Variants in SPTBN1 observed in about 807,000 individuals in gnomAD.
SPTBN1 encodes spectrin beta, non-erythrocytic 1, also known as spectrin beta chain, non-erythrocytic 1.
A neutral mutation model predicts 266.4 loss-of-function variants in SPTBN1; 32 were observed. The observed-to-expected ratio is 0.12, with a 90% CI of 0.09 to 0.16. SPTBN1 has a LOEUF of 0.16. Ranked by LOEUF, SPTBN1 falls within the 10% of genes least tolerant of loss-of-function variation. SPTBN1 has a pLI of 1.00. For synonymous variants in SPTBN1, 1,336 were observed against 1,162.2 expected (o/e 1.15, Z -3.04); for missense variants, 2,296 against 3,067.1 (o/e 0.75, Z 5.94).
chr2:54,492,110 A>G (rs893413775), intron 1 of SPTBN1, among the ~76,000 whole-genome samples: 2 of 152,194 alleles, frequency 1.3e-5, no homozygotes, highest in African/African-American at 4.8e-5. Context: ...TATGAGAGTA[A>G]TACATTAAAG....
At chr2:54,490,392 A>T (rs561053746) in intron 1 of SPTBN1, among the ~76,000 whole-genome samples, 25 of 152,274 alleles carry the variant, frequency 1.6e-4, no homozygotes, top group African/African-American at 6.0e-4. Flanking sequence ...GATTTTATAA[A>T]CAGATTTCTA....
chr2:54,634,035 A>G (rs2971882), intron 17 of SPTBN1, among the ~76,000 whole-genome samples: 84,640 of 152,168 alleles, frequency 0.56, 23,746 homozygotes, highest in Admixed American at 0.62. Context: ...AGAAACAGCA[A>G]TTGGGCAAAG....
Position 54,617,603 on chromosome 2 carries a change from G to C in SPTBN1, c.567-5G>C. The C allele has an allele frequency of 6.2e-7, 1 of 1,613,976 alleles. No homozygotes were observed. Among genetic ancestry groups the C allele is most frequent in the South Asian group, 1.1e-5 (1 of 91,070 alleles). On this transcript the variant is annotated splice_region_variant and splice_polypyrimidine_tract_variant and intron_variant, in intron 5 of 35. Transcript: ENST00000356805. ...TGCTTTTCCCTTCTGCTTTGTCCTT[G>C]GCAGGTACCCCAATGTCAACATTCA...
intron 23 of SPTBN1, 109 bp from the exon 24 acceptor site, chr2:54,647,022 T>G: frequency 6.5e-7 from 1 of 1,539,286 alleles, no homozygotes; most frequent in East Asian, 2.3e-5. Context: ...CTGGAGTTTT[T>G]CTTTCTACTG....
intron 3 of SPTBN1, among the ~76,000 whole-genome samples, chr2:54,599,485 A>G (rs1676332136): frequency 6.6e-6 from 1 of 152,216 alleles, no homozygotes; most frequent in African/African-American, 2.4e-5. Context: ...ACCTTTGGTC[A>G]GAAAGAACTT....
chr2:54,626,881 C>T lies in SPTBN1; in HGVS notation c.1644+647C>T, dbSNP rs1425827060. Reference sequence around the variant, plus strand: ...CTTAGCATAGAGTTCCAACCTTTCCCCCTTCCCAGGAAGAGACCTGCTATC... The same window carrying T: ...CTTAGCATAGAGTTCCAACCTTTCCTCCTTCCCAGGAAGAGACCTGCTATC... On this transcript the variant is annotated intron_variant, in intron 12 of 35. Coordinates refer to ENST00000356805, the MANE Select transcript of SPTBN1 (RefSeq NM_003128.3). The surrounding 1 kb of genome is among the most constrained non-coding windows in gnomAD (Gnocchi z 4.7). 2.0e-5 allele frequency among the ~76,000 whole-genome samples: 3 copies of T among 152,178 alleles called. No homozygotes were observed. Among genetic ancestry groups the T allele is most frequent in the Admixed American group, 1.3e-4 (2 of 15,280 alleles).
In SPTBN1 at chr2:54,666,009, G is replaced by T; in HGVS notation, c.6754G>T (p.Glu2252Ter). 1 of 1,614,052 alleles carries T rather than the reference G, an allele frequency of 6.2e-7. No individual in the cohort carries two copies. Among genetic ancestry groups the T allele is most frequent in the Non-Finnish European group, 8.5e-7 (1 of 1,180,012 alleles). Residue 2252 changes from glutamate (E) to a stop codon, truncating the protein, a stop_gained, in exon 34 of 36, where the codon GAG (glutamate) becomes TAG (stop). Transcript: ENST00000356805. LOFTEE classifies it high-confidence loss of function. ...TAASGIPYHS[E>*]VPVSLKEAVC... The stretch of plus-strand genomic sequence containing the variant: ...TGCTTCTGGAATTCCCTACCACAGC[G>T]AGGTCCCTGTGAGTTTGAAAGAAGC...
intron 1 of SPTBN1, among the ~76,000 whole-genome samples, chr2:54,485,402 G>C (rs959415983): frequency 2.6e-5 from 4 of 152,156 alleles, no homozygotes; most frequent in East Asian, 1.9e-4. Flanking sequence ...TGTGTTGGCC[G>C]GGCTGGTCTC....
chr2:54,647,091 A>C, intron 23 of SPTBN1, 40 bp from the exon 24 acceptor site: 1 of 1,613,840 alleles, frequency 6.2e-7, no homozygotes, highest in South Asian at 1.1e-5. Flanking sequence ...GTAGGGCCAG[A>C]GGGGACCGCT....
chr2:54,582,017 C>G (rs12713269), intron 2 of SPTBN1, among the ~76,000 whole-genome samples: 51,539 of 151,836 alleles, frequency 0.34, 11,232 homozygotes, highest in African/African-American at 0.63. Context: ...ACCGAGAATA[C>G]GCTAGCTCTG....
At position 54,629,175 on chromosome 2, in the gene SPTBN1, C is replaced by G; in HGVS notation, c.2041C>G (p.Arg681Gly). ...TSVMRLLSKH[R>G]AFEDEMSGRS... ...CGTCATGCGCCTGCTCAGCAAGCAC[C>G]GGGCGTTCGAGGACGAGATGAGCGG... The change falls in exon 14 of 36, where the codon CGG (arginine) becomes GGG (glycine). Residue 681 changes from arginine (R) to glycine (G), a missense_variant. Transcript: ENST00000356805. 6.2e-7 allele frequency: 1 copy of G among 1,613,558 alleles called. No individual in the cohort carries two copies. The highest frequency in any genetic ancestry group is 8.5e-7 in the Non-Finnish European group (1 of 1,179,914).
At chr2:54,482,286 G>C (rs991520362) in intron 1 of SPTBN1, among the ~76,000 whole-genome samples, 33 of 151,798 alleles carry the variant, frequency 2.2e-4, no homozygotes, top group Admixed American at 1.3e-3. Context: ...AGGCTGAGGA[G>C]GGAGGATCAC....
chr2:54,543,534 G>A (rs529951610), intron 2 of SPTBN1, among the ~76,000 whole-genome samples: 1 of 151,988 alleles, frequency 6.6e-6, no homozygotes, highest in Non-Finnish European at 1.5e-5. Context: ...AAGTTTAGAG[G>A]GCATTTGTGA....
intron 2 of SPTBN1, chr2:54,557,891 G>C: frequency 1.0e-6 from 1 of 985,384 alleles, no homozygotes; most frequent in Non-Finnish European, 1.2e-6. Context: ...ACTTCTTCCC[G>C]GTGGCTCGCC....
intron 32 of SPTBN1, chr2:54,661,218 T>C (rs1437568160): frequency 1.0e-6 from 1 of 985,670 alleles, no homozygotes; most frequent in Non-Finnish European, 1.2e-6. Context: ...TTGAAAATGT[T>C]TTCACAAAAA....
At chr2:54,655,665 G>T (rs1055876629) in intron 28 of SPTBN1, among the ~76,000 whole-genome samples, 1 of 152,202 alleles carries the variant, frequency 6.6e-6, no homozygotes, top group Non-Finnish European at 1.5e-5. Flanking sequence ...CGTGTTTGCC[G>T]CAGGGAGCCT....
At chr2:54,637,059 A>AC (rs1450497355) in intron 17 of SPTBN1, among the ~76,000 whole-genome samples, 3 of 151,928 alleles carry the variant, frequency 2.0e-5, no homozygotes, top group African/African-American at 7.3e-5. Flanking sequence ...GGGAGCGAGC[A>AC]CCCCCTTTAC....
At chr2:54,579,111 A>G (rs1291666941) in intron 2 of SPTBN1, among the ~76,000 whole-genome samples, 2 of 152,190 alleles carry the variant, frequency 1.3e-5, no homozygotes, top group Non-Finnish European at 2.9e-5. Context: ...GCACCAACCT[A>G]ATATATATTA....
At chr2:54,638,390 G>C (rs1510611) in intron 18 of SPTBN1, among the ~76,000 whole-genome samples, 15 of 152,058 alleles carry the variant, frequency 9.9e-5, no homozygotes, top group African/African-American at 3.6e-4. Context: ...ATTTTCAAAA[G>C]ACAAATTAGT....
Sources: gnomAD v4.1 joint callset for allele counts (sites outside exome capture counted in the v4.1 genomes callset) on GRCh38, gnomAD v4.1.1 for gene constraint, Gnocchi (gnomAD v3.1) non-coding constraint, MANE v1.5 for transcripts, NCBI Gene and HGNC (gene_info 2026-07-23, HGNC 2026-07-21) for gene names.